Variants in HRH2 observed in about 807,000 individuals in gnomAD.
The protein encoded by HRH2 is histamine H2 receptor.
HRH2 carries 4 observed loss-of-function variants against 20.1 expected under a neutral mutation model. The observed-to-expected ratio is 0.20, with a 90% CI of 0.10 to 0.45. The LOEUF (loss-of-function observed/expected upper bound fraction) is 0.45. Ranked by LOEUF, HRH2 falls within the 20% of genes least tolerant of loss-of-function variation. HRH2 has a pLI of 0.99. For missense variants in HRH2, 250 were observed against 461.6 expected (o/e 0.54, Z 4.20); for synonymous variants, 197 against 200.7 (o/e 0.98, Z 0.16).
Position 175,677,325 on chromosome 5 carries a change from T to C in HRH2, c.-525-5384T>C, listed in dbSNP as rs10064330. Among the ~76,000 whole-genome samples, 673 of 152,352 alleles carry C rather than the reference T, an allele frequency of 4.4e-3. 6 individuals are homozygous for C. The highest frequency in any genetic ancestry group is 0.015 in the African/African-American group (624 of 41,584). ...ATGCAGTCATTCACTGATGGACATG[T>C]AGGTTGATTCCATATCTTAGCTACT... On this transcript the variant is annotated intron_variant, in intron 1 of 2. Coordinates refer to ENST00000636584, the MANE Select transcript of HRH2 (RefSeq NM_001367711.1). This position sits in a 1 kb window ranked among gnomAD's most constrained non-coding sequence, Gnocchi z 4.2.
Position 175,708,483 on chromosome 5 carries a change from C to T in HRH2, c.*512C>T, listed in dbSNP as rs912759214. 6.6e-6 allele frequency: 1 copy of T among 152,326 alleles called. No individual in the cohort carries two copies. Among genetic ancestry groups the T allele is most frequent in the Admixed American group, 6.5e-5 (1 of 15,288 alleles). 9.4% of individuals were successfully genotyped at this position (152,326 alleles called of 1,614,324 possible). A position where few individuals can be genotyped will look rare whatever the true frequency, so the allele number is the denominator to read the frequency against. On this transcript the variant is annotated 3_prime_UTR_variant, in exon 3 of 3. Coordinates refer to ENST00000636584, the MANE Select transcript of HRH2 (RefSeq NM_001367711.1). ...CAGGTGCTTCCCTGGCATGAGCTCT[C>T]GTAACCCTTATAGCAACATGAGTTT... is the stretch of plus-strand genomic sequence containing the variant.
In HRH2 at chr5:175,666,925, G is replaced by A. The variant is rs577359728; in HGVS notation, c.-526+8770G>A. ...AAGGCCTCACTGCACCCTGGCCACC[G>A]TCTGTCCAATCCCTGCTCAAAAAAT... is the stretch of plus-strand genomic sequence containing the variant. On this transcript the variant is annotated intron_variant, in intron 1 of 2. Coordinates refer to ENST00000636584, the MANE Select transcript of HRH2 (RefSeq NM_001367711.1). Among the ~76,000 whole-genome samples, 631 of 152,106 alleles carry A rather than the reference G, an allele frequency of 4.1e-3. 3 individuals are homozygous for A. Among genetic ancestry groups the A allele is most frequent in the African/African-American group, 0.015 (606 of 41,438 alleles).
At chr5:175,706,602 G>T (rs143306553) in intron 2 of HRH2, among the ~76,000 whole-genome samples, 22 of 152,296 alleles carry the variant, frequency 1.4e-4, no homozygotes, top group Admixed American at 2.6e-4. Flanking sequence ...CTGCCTGCTT[G>T]GTCAAATATG....
rs1439018685 is a variant in HRH2, at chr5:175,681,676, A to G, written c.-525-1033A>G. Reference sequence around the variant, plus strand: ...TTGACGTAGTGTTTGCACTACTTCAATAGTGCAAAGGGAGGAAGGGAGGAA... The same window carrying G: ...TTGACGTAGTGTTTGCACTACTTCAGTAGTGCAAAGGGAGGAAGGGAGGAA... On this transcript the variant is annotated intron_variant, in intron 1 of 2. Coordinates refer to ENST00000636584, the MANE Select transcript of HRH2 (RefSeq NM_001367711.1). The surrounding 1 kb of genome is among the most constrained non-coding windows in gnomAD (Gnocchi z 4.3). Among the ~76,000 whole-genome samples, 10 of 152,236 alleles carry G rather than the reference A, an allele frequency of 6.6e-5. No homozygotes were observed. The highest frequency in any genetic ancestry group is 6.2e-4 in the South Asian group (3 of 4,832).
intron 2 of HRH2, among the ~76,000 whole-genome samples, chr5:175,703,487 C>T (rs980222168): frequency 7.9e-5 from 12 of 151,762 alleles, no homozygotes; most frequent in Admixed American, 1.3e-4. Flanking sequence ...TGAAATTTAA[C>T]GATTTAAACA....
intron 2 of HRH2, among the ~76,000 whole-genome samples, chr5:175,698,058 G>A (rs538757818): frequency 1.7e-4 from 26 of 152,370 alleles, no homozygotes; most frequent in South Asian, 6.2e-4. Flanking sequence ...GCACTGGAGC[G>A]CACACACGCT....
At chr5:175,696,649 G>A (rs1265473819) in intron 2 of HRH2, among the ~76,000 whole-genome samples, 1 of 152,244 alleles carries the variant, frequency 6.6e-6, no homozygotes, top group African/African-American at 2.4e-5. Context: ...GGAAGTGGAT[G>A]GCAGGGAGGT....
chr5:175,680,826 C>T (rs569596047), intron 1 of HRH2, among the ~76,000 whole-genome samples: 40 of 152,224 alleles, frequency 2.6e-4, no homozygotes, highest in African/African-American at 7.7e-4. Context: ...GAAAACTCTA[C>T]GAAGAAAGGA....
intron 1 of HRH2, among the ~76,000 whole-genome samples, chr5:175,682,463 C>T (rs1259474069): frequency 6.6e-6 from 1 of 152,202 alleles, no homozygotes; most frequent in Non-Finnish European, 1.5e-5. Context: ...AGTACAAGCA[C>T]TTCCAGCCTT....
In HRH2 at chr5:175,681,289, C is replaced by G. The variant is rs575191172; in HGVS notation, c.-525-1420C>G. On this transcript the variant is annotated intron_variant, in intron 1 of 2. Coordinates refer to ENST00000636584, the MANE Select transcript of HRH2 (RefSeq NM_001367711.1). The surrounding 1 kb of genome is among the most constrained non-coding windows in gnomAD (Gnocchi z 4.3). The stretch of plus-strand genomic sequence containing the variant: ...AGCGTGGCAGAAGGTGATCGGGAAC[C>G]CTGATCCCTGCACGAACACAATCGT... 5.9e-5 allele frequency among the ~76,000 whole-genome samples: 9 copies of G among 152,312 alleles called. No homozygotes were observed. The highest frequency in any genetic ancestry group is 1.9e-4 in the African/African-American group (8 of 41,564).
chr5:175,689,548 T>C (rs1034994235), intron 2 of HRH2, among the ~76,000 whole-genome samples: 4 of 152,188 alleles, frequency 2.6e-5, no homozygotes, highest in Non-Finnish European at 5.9e-5. Context: ...CCACCCCCAC[T>C]GTAGAGATTA....
At chr5:175,707,203 A>T (rs959462162) in intron 2 of HRH2, among the ~76,000 whole-genome samples, 1 of 152,188 alleles carries the variant, frequency 6.6e-6, no homozygotes, top group Non-Finnish European at 1.5e-5. Flanking sequence ...CAGGAGGATC[A>T]CTTGAGCCCA....
intron 2 of HRH2, chr5:175,685,643 G>A (rs1444070883): frequency 7.6e-6 from 5 of 658,940 alleles, no homozygotes; most frequent in Admixed American, 7.4e-5. Flanking sequence ...TCTTGAGCAA[G>A]TTCCTCCCCA....
rs547535483 is a variant in HRH2 at position 175,696,742 on chromosome 5, A to G, written c.1077-11037A>G. On this transcript the variant is annotated intron_variant, in intron 2 of 2. Coordinates refer to ENST00000636584, the MANE Select transcript of HRH2 (RefSeq NM_001367711.1). ...TGCTGCAACACACTCAGCGCCGCCT[A>G]CTGGCCGTGTGGCCCCCTTGCTGGC... 5.3e-5 allele frequency among the ~76,000 whole-genome samples: 8 copies of G among 152,236 alleles called. No individual in the cohort carries two copies. The South Asian group carries it at 1.5e-3, about 28-fold the overall frequency.
intron 1 of HRH2, among the ~76,000 whole-genome samples, chr5:175,659,751 C>T (rs929807737): frequency 9.9e-5 from 15 of 152,098 alleles, no homozygotes; most frequent in Non-Finnish European, 1.5e-5. Context: ...CTGGCACGTG[C>T]GCGATCAGCA....
intron 2 of HRH2, among the ~76,000 whole-genome samples, chr5:175,684,538 G>A (rs576107093): frequency 1.7e-3 from 255 of 152,352 alleles, no homozygotes; most frequent in Admixed American, 1.9e-3. Flanking sequence ...CTTGGCAAGG[G>A]CCGCACAGCT....
At chr5:175,702,847 G>C (rs570967594) in intron 2 of HRH2, among the ~76,000 whole-genome samples, 2 of 151,544 alleles carry the variant, frequency 1.3e-5, no homozygotes, top group Admixed American at 6.6e-5. Flanking sequence ...GATTACAGGC[G>C]TGAGCCACTG....
intron 1 of HRH2, among the ~76,000 whole-genome samples, chr5:175,675,874 A>T (rs1255551520): frequency 1.3e-5 from 2 of 152,228 alleles, no homozygotes; most frequent in Admixed American, 6.5e-5. Flanking sequence ...ACACATGGTG[A>T]AAAAGAAGCC....
Position 175,682,925 on chromosome 5 carries a change from G to T in HRH2, c.-309G>T, listed in dbSNP as rs1467687804. ...GCCCCGGGAGGAAGCTAGCTCTTCA[G>T]GGGACCGTCTGAGGACTGGAGTTTG... On this transcript the variant is annotated 5_prime_UTR_variant, in exon 2 of 3. It adds an upstream start codon to the 5' untranslated region. Transcript: ENST00000636584. 1 of 322,582 alleles carries T rather than the reference G, an allele frequency of 3.1e-6. No homozygotes were observed. The highest frequency in any genetic ancestry group is 5.7e-6 in the Non-Finnish European group (1 of 176,746). 20.0% of individuals were successfully genotyped at this position (322,582 alleles called of 1,614,324 possible). A position where few individuals can be genotyped will look rare whatever the true frequency, so the allele number is the denominator to read the frequency against.
Sources: gnomAD v4.1 joint callset for allele counts (sites outside exome capture counted in the v4.1 genomes callset) on GRCh38, gnomAD v4.1.1 for gene constraint, Gnocchi (gnomAD v3.1) non-coding constraint, MANE v1.5 for transcripts, NCBI Gene and HGNC (gene_info 2026-07-23, HGNC 2026-07-21) for gene names.